The following TMPRSS15 variants were observed in gnomAD, a reference collection of about 807,000 sequenced individuals.
The protein encoded by TMPRSS15 is enteropeptidase.
A neutral mutation model predicts 125.3 loss-of-function variants in TMPRSS15; 128 were observed. That is an observed-to-expected ratio of 1.02 (90% CI 0.89 to 1.18). TMPRSS15 has a LOEUF of 1.18. Among genes scored for constraint, TMPRSS15 ranks in the 50% most tolerant of loss-of-function variants. TMPRSS15 has a pLI of 0.00. For missense variants in TMPRSS15, 1,283 were observed against 1,212.7 expected (o/e 1.06, Z -0.86); for synonymous variants, 446 against 423.2 (o/e 1.05, Z -0.66).
At chr21:18,384,871 T>G (rs2075928593) in intron 3 of TMPRSS15, among the ~76,000 whole-genome samples, 1 of 152,178 alleles carries the variant, frequency 6.6e-6, no homozygotes, top group Admixed American at 6.5e-5. Context: ...TATTTATCTC[T>G]CCATCTATCT....
intron 1 of TMPRSS15, among the ~76,000 whole-genome samples, chr21:18,413,286 TTC>T (rs1433472618): frequency 1.7e-5 from 2 of 116,708 alleles, no homozygotes; most frequent in Admixed American, 1.9e-4. Context: ...TTCTTTTTCT[TTC>T]TTTCTTTTCT....
At chr21:18,424,493 T>A (rs2076198517) in intron 1 of TMPRSS15, among the ~76,000 whole-genome samples, 1 of 152,240 alleles carries the variant, frequency 6.6e-6, no homozygotes. Context: ...CACTGTGGCA[T>A]TCTTGCAAAA....
At chr21:18,431,522 T>C (rs2076216467) in intron 1 of TMPRSS15, among the ~76,000 whole-genome samples, 2 of 152,166 alleles carry the variant, frequency 1.3e-5, no homozygotes, top group African/African-American at 2.4e-5. Flanking sequence ...TAGTTAAATA[T>C]GTTGATTCAA....
intron 1 of TMPRSS15, among the ~76,000 whole-genome samples, chr21:18,433,132 T>C (rs917595007): frequency 6.6e-6 from 1 of 152,126 alleles, no homozygotes; most frequent in Non-Finnish European, 1.5e-5. Flanking sequence ...ACACTGAACA[T>C]ACCTTAAATG....
intron 18 of TMPRSS15, among the ~76,000 whole-genome samples, chr21:18,304,961 G>T (rs1236621411): frequency 2.0e-5 from 3 of 151,788 alleles, no homozygotes; most frequent in African/African-American, 7.3e-5. Context: ...AAGTAGGAGC[G>T]ACAGACAAAG....
intron 1 of TMPRSS15, among the ~76,000 whole-genome samples, chr21:18,467,400 T>TATAATAATAATA (rs367778639): frequency 1.9e-3 from 289 of 150,314 alleles, no homozygotes; most frequent in African/African-American, 5.9e-3. Flanking sequence ...GAATGAAAAG[T>TATAATAATAATA]ATAATAATAA....
At chr21:18,456,786 T>C (rs1236939669) in intron 1 of TMPRSS15, among the ~76,000 whole-genome samples, 1 of 152,128 alleles carries the variant, frequency 6.6e-6, no homozygotes, top group East Asian at 1.9e-4. Flanking sequence ...CCTTGATACA[T>C]ATGTTCAAAC....
At chr21:18,272,410 G>GAGAT (rs2074568764) in intron 24 of TMPRSS15, among the ~76,000 whole-genome samples, 2 of 151,850 alleles carry the variant, frequency 1.3e-5, no homozygotes, top group African/African-American at 4.8e-5. Flanking sequence ...CACTGTCTTG[G>GAGAT]AGATATATGA....
chr21:18,399,962 A>C (rs1377467288), intron 1 of TMPRSS15, among the ~76,000 whole-genome samples: 1 of 152,118 alleles, frequency 6.6e-6, no homozygotes, highest in Admixed American at 6.6e-5. Context: ...CAAATCAAGA[A>C]TTTAATCCCA....
In TMPRSS15 at chr21:18,332,009, C is replaced by G. The variant is rs568824099; in HGVS notation, c.1654+75G>C. ...CCATGTTTGACAAATTTATAATCTA[C>G]TTTGCTGCGTCAAGGGGAGATCTAC... On this transcript the variant is annotated intron_variant, in intron 14 of 24. Transcript: ENST00000284885. 17 of 1,308,066 alleles carry G rather than the reference C, an allele frequency of 1.3e-5. No individual in the cohort carries two copies. The African/African-American group carries it at 2.2e-4, about 17-fold the overall frequency. 81.0% of individuals were successfully genotyped at this position (1,308,066 alleles called of 1,614,324 possible). A position where few individuals can be genotyped will look rare whatever the true frequency, so the allele number is the denominator to read the frequency against.
At chr21:18,385,469 G>A (rs2075934846) in intron 3 of TMPRSS15, among the ~76,000 whole-genome samples, 1 of 152,092 alleles carries the variant, frequency 6.6e-6, no homozygotes, top group Admixed American at 6.5e-5. Flanking sequence ...AGAATCTGAA[G>A]GGAAGACTAA....
intron 13 of TMPRSS15, among the ~76,000 whole-genome samples, chr21:18,338,392 G>A (rs1001759416): frequency 2.0e-5 from 3 of 152,012 alleles, no homozygotes; most frequent in African/African-American, 7.2e-5. Flanking sequence ...ATAGCAAAAT[G>A]TTGCTGATAT....
At chr21:18,325,674 C>G (rs1242331069) in intron 16 of TMPRSS15, among the ~76,000 whole-genome samples, 2 of 151,792 alleles carry the variant, frequency 1.3e-5, no homozygotes, top group African/African-American at 4.8e-5. Flanking sequence ...CATATTTGCA[C>G]CTGGAAAGAA....
At chr21:18,409,999 C>G (rs1348059247) in intron 1 of TMPRSS15, among the ~76,000 whole-genome samples, 1 of 149,618 alleles carries the variant, frequency 6.7e-6, no homozygotes, top group African/African-American at 2.5e-5. Context: ...TTCTTTCCAT[C>G]TGGTTCATGC....
intron 1 of TMPRSS15, among the ~76,000 whole-genome samples, chr21:18,437,918 C>T (rs1192457955): frequency 2.0e-5 from 3 of 151,662 alleles, no homozygotes; most frequent in East Asian, 1.9e-4. Context: ...GTCAGTGTGG[C>T]GATTCCTCAG....
intron 21 of TMPRSS15, among the ~76,000 whole-genome samples, chr21:18,293,050 C>T (rs918433038): frequency 6.6e-6 from 1 of 152,110 alleles, no homozygotes; most frequent in Admixed American, 6.5e-5. Flanking sequence ...TTTGGCAAAC[C>T]TGAGAGCTAG....
upstream of TMPRSS15, among the ~76,000 whole-genome samples, chr21:18,407,624 C>A (rs1000195217): frequency 6.6e-6 from 1 of 151,628 alleles, no homozygotes; most frequent in Non-Finnish European, 1.5e-5. Context: ...TTTTCTCTTC[C>A]CCCGCTTTTT....
intron 21 of TMPRSS15, among the ~76,000 whole-genome samples, chr21:18,282,481 C>A (rs1023126): frequency 0.84 from 128,387 of 152,178 alleles, 54,731 homozygotes; most frequent in African/African-American, 0.96. Flanking sequence ...CAAGTCACTT[C>A]CAGATGTATA....
At chr21:18,464,383 C>A (rs1231669952) in intron 1 of TMPRSS15, among the ~76,000 whole-genome samples, 3 of 151,644 alleles carry the variant, frequency 2.0e-5, no homozygotes, top group African/African-American at 7.3e-5. Flanking sequence ...TATTTAAAAG[C>A]TAGCAGAAGA....
Sources: gnomAD v4.1 joint callset for allele counts (sites outside exome capture counted in the v4.1 genomes callset) on GRCh38, gnomAD v4.1.1 for gene constraint, MANE v1.5 for transcripts, NCBI Gene and HGNC (gene_info 2026-07-23, HGNC 2026-07-21) for gene names.